Variants in CACNG3 observed in about 807,000 individuals in gnomAD.
CACNG3 encodes the protein voltage-dependent calcium channel gamma-3 subunit.
CACNG3 carries 3 observed loss-of-function variants against 28.5 expected under a neutral mutation model. That is an observed-to-expected ratio of 0.11 (90% CI 0.05 to 0.27). The LOEUF (loss-of-function observed/expected upper bound fraction) is 0.27. Ranked by LOEUF, CACNG3 falls within the 10% of genes least tolerant of loss-of-function variation. The pLI is 1.00. For synonymous variants in CACNG3, 174 were observed against 162.2 expected, an observed-to-expected ratio of 1.07 and a Z score of -0.55; for missense variants, 236 against 414.4, an observed-to-expected ratio of 0.57 and a Z score of 3.74.
chr16:24,335,173 G>A (rs1050140099), intron 1 of CACNG3, among the ~76,000 whole-genome samples: 33 of 152,116 alleles, frequency 2.2e-4, no homozygotes, highest in Admixed American at 1.6e-3. Context: ...TAATCCCAGC[G>A]CTTTGGGAGG....
intron 1 of CACNG3, among the ~76,000 whole-genome samples, chr16:24,345,993 T>C (rs1022588077): frequency 5.3e-5 from 8 of 152,186 alleles, no homozygotes; most frequent in African/African-American, 9.7e-5. Flanking sequence ...AATAGCTACT[T>C]ACCTGAGTGA....
chr16:24,333,397 C>A (rs1225179823), intron 1 of CACNG3: 1 of 151,912 alleles, frequency 6.6e-6, no homozygotes, highest in Non-Finnish European at 1.5e-5. Flanking sequence ...TTATTTTATT[C>A]TCTTAAAAAA....
chr16:24,285,984 C>T (rs1451410938), intron 1 of CACNG3, among the ~76,000 whole-genome samples: 1 of 152,052 alleles, frequency 6.6e-6, no homozygotes, highest in Non-Finnish European at 1.5e-5. Context: ...GCTGGGACCA[C>T]AGGCGCATGC....
intron 1 of CACNG3, among the ~76,000 whole-genome samples, chr16:24,343,324 G>A (rs926285794): frequency 3.3e-5 from 5 of 152,138 alleles, no homozygotes; most frequent in Non-Finnish European, 7.3e-5. Context: ...AGATGCCCAC[G>A]TGTATGTAGT....
chr16:24,351,698 G>GAA lies in CACNG3; in HGVS notation c.296-3134_296-3133insAA, dbSNP rs1567225405. 5.0e-3 allele frequency among the ~76,000 whole-genome samples: 671 copies of GAA among 135,456 alleles called. 15 individuals carry two copies. In the South Asian group the frequency reaches 0.056, roughly 11 times the overall value. 88.9% of individuals were successfully genotyped at this position (135,456 alleles called of 152,430 possible). ...AGAAAGAAAGAAGGAAAGAAAGAAA[G>GAA]AGAAAGAAAGAAAGAAAGGAGGGAG... On this transcript the variant is annotated intron_variant, in intron 2 of 3. Transcript: ENST00000005284.
At chr16:24,299,478 A>G (rs1165694408) in intron 1 of CACNG3, among the ~76,000 whole-genome samples, 1 of 152,184 alleles carries the variant, frequency 6.6e-6, no homozygotes. Context: ...CATTTCTGCA[A>G]GGGTCCTTGG....
At chr16:24,290,495 C>T (rs1044337426) in intron 1 of CACNG3, among the ~76,000 whole-genome samples, 1 of 152,224 alleles carries the variant, frequency 6.6e-6, no homozygotes, top group African/African-American at 2.4e-5. Flanking sequence ...GTCAGGCTGA[C>T]CTGAGCTGGC....
rs890216313 is a variant in CACNG3 at position 24,289,400 on chromosome 16, G to A, written c.211+32435G>A. ...TTTAAACTCTAAAAAAAGCACCTTAGCATTTTGTAGGCTTTTATAATTCTG... is the reference window on the plus strand; with the variant it reads ...TTTAAACTCTAAAAAAAGCACCTTAACATTTTGTAGGCTTTTATAATTCTG... On this transcript the variant is annotated intron_variant, in intron 1 of 3. Coordinates refer to ENST00000005284, the MANE Select transcript of CACNG3 (RefSeq NM_006539.4). 7.2e-5 allele frequency among the ~76,000 whole-genome samples: 11 copies of A among 152,226 alleles called. 1 individual carries two copies. Among genetic ancestry groups the A allele is most frequent in the Admixed American group, 3.9e-4 (6 of 15,290 alleles).
chr16:24,298,985 C>A (rs960630676), intron 1 of CACNG3, among the ~76,000 whole-genome samples: 2 of 152,158 alleles, frequency 1.3e-5, no homozygotes, highest in Admixed American at 6.5e-5. Context: ...CCACTGATGA[C>A]GTTAGCCTTG....
Position 24,305,308 on chromosome 16 carries a change from A to G in CACNG3, c.212-41426A>G, listed in dbSNP as rs561868887. On this transcript the variant is annotated intron_variant, in intron 1 of 3. Transcript: ENST00000005284. ...AAAGTATATATATATATACAAACTT[A>G]TATACATAAATATGTGTGTGTGTGT... Among the ~76,000 whole-genome samples, 935 of 144,664 alleles carry G rather than the reference A, an allele frequency of 6.5e-3. 11 individuals are homozygous for G. Among genetic ancestry groups the G allele is most frequent in the African/African-American group, 0.022 (858 of 38,932 alleles). 94.9% of individuals were successfully genotyped at this position (144,664 alleles called of 152,430 possible). A position where few individuals can be genotyped will look rare whatever the true frequency, so the allele number is the denominator to read the frequency against.
At chr16:24,283,061 G>A (rs1031446789) in intron 1 of CACNG3, among the ~76,000 whole-genome samples, 2 of 152,000 alleles carry the variant, frequency 1.3e-5, no homozygotes, top group Admixed American at 6.6e-5. Flanking sequence ...GTAGAGACGA[G>A]TTTTCACTGT....
intron 1 of CACNG3, among the ~76,000 whole-genome samples, chr16:24,278,403 G>A (rs1196052334): frequency 6.6e-6 from 1 of 152,092 alleles, no homozygotes; most frequent in Admixed American, 6.5e-5. Flanking sequence ...GGATTACAAG[G>A]TCAAGAGATT....
At chr16:24,317,557 A>G (rs1177058715) in intron 1 of CACNG3, among the ~76,000 whole-genome samples, 1 of 17,710 alleles carries the variant, frequency 5.6e-5, no homozygotes, top group Non-Finnish European at 9.2e-5. Flanking sequence ...AAAAAGAAAA[A>G]GAAAGAAAGA....
At chr16:24,350,790 A>T (rs565205301) in intron 2 of CACNG3, among the ~76,000 whole-genome samples, 63 of 152,292 alleles carry the variant, frequency 4.1e-4, no homozygotes, top group African/African-American at 1.4e-3. Context: ...GATCCCTTTA[A>T]AGGTTAGTCC....
intron 1 of CACNG3, among the ~76,000 whole-genome samples, chr16:24,342,235 T>C (rs1481645341): frequency 1.3e-5 from 2 of 152,050 alleles, no homozygotes; most frequent in African/African-American, 4.8e-5. Context: ...ACCACTGCAC[T>C]CCAGCCTGGG....
At chr16:24,323,829 G>A (rs1231131129) in intron 1 of CACNG3, among the ~76,000 whole-genome samples, 3 of 152,202 alleles carry the variant, frequency 2.0e-5, no homozygotes, top group African/African-American at 7.2e-5. Flanking sequence ...GGGCAGTGGA[G>A]TGATCTCAGC....
intron 1 of CACNG3, among the ~76,000 whole-genome samples, chr16:24,344,819 T>A (rs570099167): frequency 6.6e-6 from 1 of 152,328 alleles, no homozygotes; most frequent in East Asian, 1.9e-4. Flanking sequence ...TATGAGATCA[T>A]AATAGACATC....
chr16:24,317,331 C>A (rs1284188481), intron 1 of CACNG3, among the ~76,000 whole-genome samples: 1 of 151,886 alleles, frequency 6.6e-6, no homozygotes, highest in Non-Finnish European at 1.5e-5. Context: ...CACTTAAGGT[C>A]AGGAGTTTGA....
intron 1 of CACNG3, among the ~76,000 whole-genome samples, chr16:24,305,930 C>T (rs1362167302): frequency 2.6e-5 from 4 of 152,166 alleles, no homozygotes; most frequent in Admixed American, 6.5e-5. Context: ...CCCTGTGCCT[C>T]CCAAAGTGCT....
Sources: allele counts gnomAD v4.1 joint callset (sites outside exome capture counted in the v4.1 genomes callset), GRCh38; gene constraint gnomAD v4.1.1; transcripts MANE v1.5; gene names NCBI Gene and HGNC (gene_info 2026-07-23, HGNC 2026-07-21).